Variants in LRRC37A2 observed in about 807,000 individuals in gnomAD.
LRRC37A2 encodes leucine-rich repeat-containing protein 37A2.
Under a neutral mutation model 68.8 loss-of-function variants are expected in LRRC37A2, and 9 were observed. The observed-to-expected ratio is 0.13, with a 90% CI of 0.08 to 0.23. The LOEUF (loss-of-function observed/expected upper bound fraction) is 0.23. Among genes scored for constraint, LRRC37A2 ranks in the 10% least tolerant of loss-of-function variants. The pLI, the probability that LRRC37A2 is intolerant of heterozygous loss-of-function variation, is 1.00. For synonymous variants in LRRC37A2, 63 were observed against 367.6 expected (o/e 0.17, Z 9.48); for missense variants, 168 against 950.4 (o/e 0.18, Z 10.82).
chr17:46,770,856 C>G, the LRRC37A2 span, among the ~76,000 whole-genome samples: 1 of 152,350 alleles, frequency 6.6e-6, no homozygotes, highest in Non-Finnish European at 1.5e-5. Flanking sequence ...AAGTTTTACT[C>G]ATTTTATAGA....
chr17:46,818,846 C>G, the LRRC37A2 span: 2 of 552,528 alleles, frequency 3.6e-6, no homozygotes, highest in African/African-American at 3.8e-5. Context: ...CTGTCAATCA[C>G]GCGCCCCTCC....
chr17:46,953,274 A>G, the LRRC37A2 span, among the ~76,000 whole-genome samples: 29 of 150,786 alleles, frequency 1.9e-4, no homozygotes, highest in East Asian at 5.7e-3. Context: ...TTCAATTCCC[A>G]CCTATGAGTG....
At chr17:47,024,786 C>T in the LRRC37A2 span, 4 of 727,304 alleles carry the variant, frequency 5.5e-6, no homozygotes, top group Admixed American at 2.0e-5. Context: ...AGTTTTTAGT[C>T]ATATTATCTG....
the LRRC37A2 span, among the ~76,000 whole-genome samples, chr17:46,800,807 A>T: frequency 6.6e-6 from 1 of 152,200 alleles, no homozygotes; most frequent in Non-Finnish European, 1.5e-5. Flanking sequence ...AGTCTAGTCC[A>T]TGAAATAGAT....
chr17:46,788,663 GT>G, the LRRC37A2 span, among the ~76,000 whole-genome samples: 8 of 152,210 alleles, frequency 5.3e-5, no homozygotes, highest in Non-Finnish European at 7.3e-5. Context: ...TTGATGGTGA[GT>G]TTTTTGAGAG....
the LRRC37A2 span, among the ~76,000 whole-genome samples, chr17:46,865,375 A>G: frequency 4.6e-5 from 7 of 152,064 alleles, no homozygotes; most frequent in South Asian, 2.1e-4. Context: ...GACAAAGCCT[A>G]CAGCTGGACC....
At chr17:46,743,229 G>A in the LRRC37A2 span, among the ~76,000 whole-genome samples, 1 of 152,142 alleles carries the variant, frequency 6.6e-6, no homozygotes, top group Non-Finnish European at 1.5e-5. Context: ...CCAGTGCCCT[G>A]TGTTTGTTTT....
At chr17:46,886,832 T>G in the LRRC37A2 span, 1 of 154,098 alleles carries the variant, frequency 6.5e-6, no homozygotes, top group South Asian at 2.0e-4. Flanking sequence ...TTGTTTGTTT[T>G]TTGAGACTGA....
the LRRC37A2 span, among the ~76,000 whole-genome samples, chr17:46,896,892 C>G: frequency 6.6e-6 from 1 of 152,122 alleles, no homozygotes; most frequent in African/African-American, 2.4e-5. Context: ...CTGGACACCC[C>G]CCACCAGAGT....
the LRRC37A2 span, chr17:46,964,257 G>A: frequency 6.6e-6 from 1 of 152,214 alleles, no homozygotes; most frequent in Admixed American, 6.5e-5. Flanking sequence ...AACCCACTGA[G>A]AACGAGTGTT....
chr17:46,542,605 G>T (rs1348310206), intron 8 of LRRC37A2, among the ~76,000 whole-genome samples: 1 of 150,132 alleles, frequency 6.7e-6, no homozygotes, highest in African/African-American at 2.5e-5. Context: ...TGAGTCAGGA[G>T]GATCACTTGA....
the LRRC37A2 span, among the ~76,000 whole-genome samples, chr17:46,861,203 G>A: frequency 5.3e-5 from 8 of 152,188 alleles, no homozygotes; most frequent in African/African-American, 1.9e-4. Flanking sequence ...GCATGTCCTG[G>A]GCATCTGTTG....
the LRRC37A2 span, among the ~76,000 whole-genome samples, chr17:46,899,952 C>T: frequency 1.3e-5 from 2 of 151,328 alleles, no homozygotes; most frequent in African/African-American, 4.9e-5. Context: ...CAGCTCATTC[C>T]CCTCTAGTTC....
chr17:46,633,076 A>G, the LRRC37A2 span, among the ~76,000 whole-genome samples: 1 of 118,650 alleles, frequency 8.4e-6, no homozygotes, highest in African/African-American at 3.2e-5. Flanking sequence ...AGGTTCAAGC[A>G]ATTCTCCTGC....
chr17:46,585,241 C>A, the LRRC37A2 span, among the ~76,000 whole-genome samples: 2 of 148,596 alleles, frequency 1.3e-5, no homozygotes, highest in Admixed American at 1.3e-4. Flanking sequence ...TTGCTTGAAC[C>A]TGGGAGGCAG....
chr17:46,770,063 T>G, the LRRC37A2 span: 1 of 1,533,084 alleles, frequency 6.5e-7, no homozygotes. Flanking sequence ...GGGGAGGTCG[T>G]GGGGAGGCAG....
chr17:46,767,470 ACT>A, the LRRC37A2 span, among the ~76,000 whole-genome samples: 2 of 152,180 alleles, frequency 1.3e-5, no homozygotes, highest in African/African-American at 4.8e-5. Flanking sequence ...ATGCACACTG[ACT>A]CTGCCTCAGG....
the LRRC37A2 span, among the ~76,000 whole-genome samples, chr17:46,890,725 C>G: frequency 6.6e-6 from 1 of 152,192 alleles, no homozygotes. Context: ...TGCCTTCCAA[C>G]AGCCCAAGCT....
At chr17:47,001,703 T>G in the LRRC37A2 span, among the ~76,000 whole-genome samples, 6 of 149,446 alleles carry the variant, frequency 4.0e-5, no homozygotes, top group Non-Finnish European at 7.4e-5. Context: ...GCTTTCTTTC[T>G]CTTCTCTTTT....
Sources: gnomAD v4.1 joint callset for allele counts (sites outside exome capture counted in the v4.1 genomes callset) on GRCh38, gnomAD v4.1.1 for gene constraint, MANE v1.5 for transcripts, NCBI Gene and HGNC (gene_info 2026-07-23, HGNC 2026-07-21) for gene names.